Variants in C2CD3 observed in about 807,000 individuals in gnomAD.
C2CD3 encodes the protein C2 domain containing 3 centriole elongation regulator.
In C2CD3, 148 loss-of-function variants were observed where a neutral mutation model predicts 234.0. The observed-to-expected ratio is 0.63, with a 90% confidence interval of 0.55 to 0.72. The LOEUF (loss-of-function observed/expected upper bound fraction) is 0.72, where lower values mean the gene tolerates loss of function less well. Among genes scored for constraint, C2CD3 ranks in the 30% least tolerant of loss-of-function variants. C2CD3 has a pLI of 0.00. For synonymous variants in C2CD3, 1,000 were observed against 1,035.4 expected (o/e 0.97, Z 0.66); for missense variants, 2,577 against 2,811.5 (o/e 0.92, Z 1.89).
intron 32 of C2CD3, among the ~76,000 whole-genome samples, chr11:74,014,196 G>A (rs1951796798): frequency 6.6e-6 from 1 of 152,122 alleles, no homozygotes; most frequent in African/African-American, 2.4e-5. Flanking sequence ...TCAGGCTCCT[G>A]TGCTGAAGGA....
In C2CD3 at chr11:74,074,379, AGGCAGGAGACTTCTGGT is replaced by A. The variant is rs760073211; in HGVS notation, c.4808_4824del (p.His1603LeufsTer12). 4 of 1,614,206 alleles carry A rather than the reference AGGCAGGAGACTTCTGGT, an allele frequency of 2.5e-6. No homozygotes were observed. In the African/African-American group the frequency reaches 4.0e-5, roughly 16 times the overall value. ...GTGCTGCTGCAGGGGACCTGGGTGGAGGCAGGAGACTTCTGGTGGCAGGAGATGACTTCTGGTGGAGA... is the reference window on the plus strand; with the variant it reads ...GTGCTGCTGCAGGGGACCTGGGTGGAGGCAGGAGATGACTTCTGGTGGAGA... On this transcript the variant is annotated frameshift_variant, in exon 24 of 33. Coordinates refer to ENST00000334126, the MANE Select transcript of C2CD3 (RefSeq NM_001286577.2). LOFTEE classifies it high-confidence loss of function.
In C2CD3 at chr11:74,085,520, A is replaced by G. The variant is rs1399846921; in HGVS notation, c.3910+98T>C. The G allele has an allele frequency of 4.9e-6, 6 of 1,223,138 alleles. No homozygotes were observed. The African/African-American group carries it at 7.6e-5, about 15-fold the overall frequency. 75.8% of individuals were successfully genotyped at this position (1,223,138 alleles called of 1,614,324 possible). On this transcript the variant is annotated intron_variant, in intron 21 of 32. Coordinates refer to ENST00000334126, the MANE Select transcript of C2CD3 (RefSeq NM_001286577.2). ...TAAGTTGCAGAGATTATGACTCCTC[A>G]CCTTTAAATACTGCAGTATGTATCT...
chr11:74,129,523 C>T (rs1214709845), intron 7 of C2CD3: 47 of 187,448 alleles, frequency 2.5e-4, no homozygotes, highest in South Asian at 4.1e-4. Context: ...GGATGGCGGC[C>T]GGGAAGAGGC....
chr11:74,104,651 G>A (rs1302538200), intron 13 of C2CD3, among the ~76,000 whole-genome samples: 1 of 152,032 alleles, frequency 6.6e-6, no homozygotes, highest in Non-Finnish European at 1.5e-5. Context: ...TAATTAAAAA[G>A]TAAAAAAGAA....
chr11:74,098,296 C>G, intron 15 of C2CD3, 41 bp from the exon 16 acceptor site: 1 of 1,594,790 alleles, frequency 6.3e-7, no homozygotes, highest in Non-Finnish European at 8.6e-7. Flanking sequence ...TAACAAGCAT[C>G]AATCATGTCA....
At chr11:74,103,990 T>C (rs1269222450) in intron 13 of C2CD3, among the ~76,000 whole-genome samples, 3 of 152,168 alleles carry the variant, frequency 2.0e-5, no homozygotes, top group African/African-American at 4.8e-5. Context: ...TTATAAACTA[T>C]TGAATAAGAA....
At chr11:74,058,289 T>A (rs1255983878) in intron 24 of C2CD3, among the ~76,000 whole-genome samples, 2 of 152,168 alleles carry the variant, frequency 1.3e-5, no homozygotes, top group African/African-American at 2.4e-5. Context: ...AGGATTAAGA[T>A]AAATACTAAG....
At position 74,077,486 on chromosome 11, in the gene C2CD3, G is replaced by C. The variant is rs115787713; in HGVS notation, c.4603+629C>G. The stretch of plus-strand genomic sequence containing the variant: ...GGGATGAGTTCATGTCCTTTGCAGG[G>C]ACATGGATGAAGCCTGGAAACCATC... On this transcript the variant is annotated intron_variant, in intron 23 of 32. Transcript: ENST00000334126. Among the ~76,000 whole-genome samples the C allele has an allele frequency of 2.6e-3, 397 of 151,786 alleles. 3 individuals are homozygous for C. Among genetic ancestry groups the C allele is most frequent in the African/African-American group, 8.4e-3 (347 of 41,412 alleles).
chr11:74,113,704 A>T, intron 11 of C2CD3, 76 bp downstream of exon 11: 1 of 883,812 alleles, frequency 1.1e-6, no homozygotes. Context: ...AAAAAAAGTC[A>T]AATGAGTAAT....
At chr11:74,119,631 A>G (rs1957144978) in intron 8 of C2CD3, among the ~76,000 whole-genome samples, 2 of 151,184 alleles carry the variant, frequency 1.3e-5, no homozygotes, top group Admixed American at 6.6e-5. Context: ...TGGAAGCAAT[A>G]CAACTTTTTT....
chr11:74,058,731 G>C (rs555998748), intron 24 of C2CD3, among the ~76,000 whole-genome samples: 2 of 152,140 alleles, frequency 1.3e-5, no homozygotes, highest in East Asian at 3.9e-4. Flanking sequence ...AAGTTATTCT[G>C]TCTTAAGACA....
chr11:74,112,487 G>A (rs1485925456), intron 11 of C2CD3, among the ~76,000 whole-genome samples: 1 of 152,020 alleles, frequency 6.6e-6, no homozygotes, highest in Non-Finnish European at 1.5e-5. Flanking sequence ...CTTTTGTGCT[G>A]TAAACAATAC....
intron 28 of C2CD3, among the ~76,000 whole-genome samples, chr11:74,046,659 C>T (rs1284541092): frequency 6.6e-6 from 1 of 152,120 alleles, no homozygotes; most frequent in African/African-American, 2.4e-5. Flanking sequence ...AGCTTCTCTT[C>T]CTCAGCATAA....
In C2CD3 at chr11:74,029,132, G is replaced by T. The variant is rs1365457950; in HGVS notation, c.6810-734C>A. On this transcript the variant is annotated intron_variant, in intron 31 of 32. Coordinates refer to ENST00000334126, the MANE Select transcript of C2CD3 (RefSeq NM_001286577.2). The stretch of plus-strand genomic sequence containing the variant: ...CACTTCTCCTCCGTATCTTCTTGAG[G>T]TGCTCAGTGCTGTGTTGAGAATATG... Among the ~76,000 whole-genome samples, 4 of 152,320 alleles carry T rather than the reference G, an allele frequency of 2.6e-5. No homozygotes were observed. The East Asian group carries it at 7.7e-4, about 29-fold the overall frequency.
chr11:74,035,242 T>C (rs1952682393), intron 30 of C2CD3, among the ~76,000 whole-genome samples: 1 of 152,134 alleles, frequency 6.6e-6, no homozygotes, highest in South Asian at 2.1e-4. Flanking sequence ...TAGACGAAAA[T>C]GAAACATTAC....
At chr11:74,025,401 T>C (rs1436284758) in intron 32 of C2CD3, among the ~76,000 whole-genome samples, 1 of 152,066 alleles carries the variant, frequency 6.6e-6, no homozygotes, top group Non-Finnish European at 1.5e-5. Context: ...ATTGAGACCA[T>C]CCTGGCCAAC....
rs776319500 is a variant in C2CD3 at position 74,042,046 on chromosome 11, A to G, written c.5660+8T>C. ...GGTTTCCTGTGTCTTTTCTCAGTAGAGCCTCACCTGAGAGAAGTCAGAATG... is the reference window on the plus strand; with the variant it reads ...GGTTTCCTGTGTCTTTTCTCAGTAGGGCCTCACCTGAGAGAAGTCAGAATG... On this transcript the variant is annotated splice_region_variant and intron_variant, in intron 29 of 32. Transcript: ENST00000334126. 4 of 1,613,726 alleles carry G rather than the reference A, an allele frequency of 2.5e-6. No individual in the cohort carries two copies. Among genetic ancestry groups the G allele is most frequent in the African/African-American group, 1.3e-5 (1 of 74,862 alleles).
At chr11:74,160,210 CAA>C (rs1305511221) in intron 3 of C2CD3, among the ~76,000 whole-genome samples, 7 of 151,992 alleles carry the variant, frequency 4.6e-5, no homozygotes, top group Non-Finnish European at 7.4e-5. Flanking sequence ...ACACATTTCT[CAA>C]AATATATCCC....
At position 74,084,914 on chromosome 11, in the gene C2CD3, C is replaced by T; in HGVS notation, c.3967G>A (p.Val1323Ile). The change falls in exon 22 of 33, where the codon GTT becomes ATT. Residue 1323 changes from valine (V) to isoleucine (I), a missense_variant. Physicochemically the swap from Val to Ile is conservative, Grantham distance 29. Transcript: ENST00000334126. The stretch of plus-strand genomic sequence containing the variant: ...TTGATCAGCAGCTCTTTTGTTGGAA[C>T]TTTTACTACTCCAAGCAGATACTCT... ...CKEYLLGVVK[V>I]PTKELLIKRS... is the part of the protein sequence containing the mutation. The T allele has an allele frequency of 6.2e-7, 1 of 1,612,402 alleles. No homozygotes were observed. Among genetic ancestry groups the T allele is most frequent in the South Asian group, 1.1e-5 (1 of 91,046 alleles).
Sources: allele counts gnomAD v4.1 joint callset (sites outside exome capture counted in the v4.1 genomes callset), GRCh38; gene constraint gnomAD v4.1.1; transcripts MANE v1.5; gene names NCBI Gene and HGNC (gene_info 2026-07-23, HGNC 2026-07-21).